The following IGF2R variants were observed in gnomAD, a reference collection of about 807,000 sequenced individuals.
IGF2R encodes cation-independent mannose-6-phosphate receptor.
Under a neutral mutation model 270.6 loss-of-function variants are expected in IGF2R, and 91 were observed. The ratio of observed to expected loss-of-function variants is 0.34; its 90% CI spans 0.28 to 0.40. The LOEUF (loss-of-function observed/expected upper bound fraction) is 0.40. Ranked by LOEUF, IGF2R falls within the 10% of genes least tolerant of loss-of-function variation. IGF2R has a pLI of 1.00. For synonymous variants in IGF2R, 1,316 were observed against 1,258.9 expected (o/e 1.05, Z -0.96); for missense variants, 2,805 against 3,188.3 (o/e 0.88, Z 2.90).
chr6:160,004,305 C>T lies in IGF2R; in HGVS notation c.290-4705C>T, dbSNP rs1784177963. ...GGGCTGCCTGTGAAGTCAGGATCACCAGGCTTTGTGGCTTCAAGGAGGCCA... is the reference window on the plus strand; with the variant it reads ...GGGCTGCCTGTGAAGTCAGGATCACTAGGCTTTGTGGCTTCAAGGAGGCCA... On this transcript the variant is annotated intron_variant, in intron 2 of 47. Coordinates refer to ENST00000356956, the MANE Select transcript of IGF2R (RefSeq NM_000876.4). The surrounding 1 kb of genome is among the most constrained non-coding windows in gnomAD (Gnocchi z 5.2). 6.6e-6 allele frequency: 1 copy of T among 152,216 alleles called. No individual in the cohort carries two copies. Among genetic ancestry groups the T allele is most frequent in the South Asian group, 2.1e-4 (1 of 4,836 alleles). 9.4% of individuals were successfully genotyped at this position (152,216 alleles called of 1,614,324 possible).
At position 160,065,501 on chromosome 6, in the gene IGF2R, C is replaced by T. The variant is rs140420964; in HGVS notation, c.4115+600C>T. 3.9e-3 allele frequency among the ~76,000 whole-genome samples: 593 copies of T among 152,142 alleles called. 2 individuals carry two copies. The highest frequency in any genetic ancestry group is 6.0e-3 in the Admixed American group (91 of 15,278). On this transcript the variant is annotated intron_variant, in intron 29 of 47. Coordinates refer to ENST00000356956, the MANE Select transcript of IGF2R (RefSeq NM_000876.4). ...GAAATCATCATTTAAGTTTTAGGAA[C>T]GTATGTAAATGCAAGCATTTAGTAA...
rs568641439 is a variant in IGF2R at position 160,088,665 on chromosome 6, G to T, written c.6321-442G>T. On this transcript the variant is annotated intron_variant, in intron 42 of 47. Coordinates refer to ENST00000356956, the MANE Select transcript of IGF2R (RefSeq NM_000876.4). Reference sequence around the variant, plus strand: ...TCCAGACGCTGAGTTTGGAAAAGGGGTGACTCAGAAATTGCCAAAGGATTT... The same window carrying T: ...TCCAGACGCTGAGTTTGGAAAAGGGTTGACTCAGAAATTGCCAAAGGATTT... Among the ~76,000 whole-genome samples the T allele has an allele frequency of 1.5e-4, 23 of 152,314 alleles. No homozygotes were observed. The South Asian group carries it at 3.9e-3, about 26-fold the overall frequency.
At chr6:160,018,468 T>G (rs1039962385) in intron 4 of IGF2R, among the ~76,000 whole-genome samples, 1 of 152,122 alleles carries the variant, frequency 6.6e-6, no homozygotes, top group African/African-American at 2.4e-5. Flanking sequence ...CAGGACCACG[T>G]AGACCTAACA....
At position 160,044,676 on chromosome 6, in the gene IGF2R, A is replaced by G. The variant is rs748402827; in HGVS notation, c.1765+19A>G. 3.8e-6 allele frequency: 6 copies of G among 1,591,596 alleles called. No individual in the cohort carries two copies. Among genetic ancestry groups the G allele is most frequent in the Admixed American group, 1.8e-5 (1 of 54,820 alleles). ...AAGCCAGGTAAAAATTTTAAAAAAGATGAAATCTTTTCTGGCTTCTGCCAG... is the reference window on the plus strand; with the variant it reads ...AAGCCAGGTAAAAATTTTAAAAAAGGTGAAATCTTTTCTGGCTTCTGCCAG... On this transcript the variant is annotated intron_variant, in intron 13 of 47. Coordinates refer to ENST00000356956, the MANE Select transcript of IGF2R (RefSeq NM_000876.4).
chr6:160,028,559 C>A (rs151127459), intron 6 of IGF2R, among the ~76,000 whole-genome samples: 2 of 152,320 alleles, frequency 1.3e-5, no homozygotes, highest in East Asian at 3.9e-4. Context: ...AAAGGCAGGT[C>A]ATCTGTGATC....
chr6:160,027,402 C>A (rs2115226974), intron 6 of IGF2R, 88 bp downstream of exon 6: 1 of 1,434,440 alleles, frequency 7.0e-7, no homozygotes. Context: ...CCTTTTTCAG[C>A]AAGGCTTGGG....
chr6:160,039,542 T>A (rs1052274463), intron 10 of IGF2R, among the ~76,000 whole-genome samples: 1 of 152,206 alleles, frequency 6.6e-6, no homozygotes, highest in Non-Finnish European at 1.5e-5. Context: ...ATTATAGTGA[T>A]GATAATATTA....
chr6:159,989,270 T>TC (rs947720380), intron 1 of IGF2R, among the ~76,000 whole-genome samples: 35 of 152,228 alleles, frequency 2.3e-4, no homozygotes, highest in Middle Eastern at 6.8e-3. Context: ...GGCTGCTCTT[T>TC]CTCCTCCATT....
In IGF2R at chr6:160,032,697, A is replaced by C; in HGVS notation, c.1029A>C (p.Pro343=). ...AGGATGTCTCCATAGACCTCACACC[A>C]CTTGCCCAGAGCGGAGGTAAGCAGG... ...EQQDVSIDLT[P]LAQSGGSSYI... Residue 343 remains proline (P), a synonymous_variant, in exon 8 of 48, where the codon CCA becomes CCC. Transcript: ENST00000356956. The C allele has an allele frequency of 6.2e-7, 1 of 1,613,826 alleles. No individual in the cohort carries two copies. Among genetic ancestry groups the C allele is most frequent in the Non-Finnish European group, 8.5e-7 (1 of 1,179,938 alleles).
chr6:160,009,060 A>G lies in IGF2R; in HGVS notation c.340A>G (p.Thr114Ala), dbSNP rs772046456. 6 of 1,613,814 alleles carry G rather than the reference A, an allele frequency of 3.7e-6. No homozygotes were observed. Among genetic ancestry groups the G allele is most frequent in the African/African-American group, 2.7e-5 (2 of 74,920 alleles). The change falls in exon 3 of 48, where the codon ACA becomes GCA. Residue 114 changes from threonine to alanine, a missense_variant. Transcript: ENST00000356956. ...ATRSLLEFNT[T>A]VSCDQQGTNH... ...CAGATCTCTCCTGGAATTCAACACAACAGTGAGCTGTGACCAGCAAGGCAC... is the reference window on the plus strand; with the variant it reads ...CAGATCTCTCCTGGAATTCAACACAGCAGTGAGCTGTGACCAGCAAGGCAC...
rs372803317 is a variant in IGF2R at position 159,975,684 on chromosome 6, T to TTTTA, written c.149+6290_149+6291insTTAT. ...AAACCCATACATGTATTATATATAT[T>TTTTA]TATATATATATATATATAAAGTATA... On this transcript the variant is annotated intron_variant, in intron 1 of 47. Transcript: ENST00000356956. Among the ~76,000 whole-genome samples, 102 of 141,728 alleles carry TTTTA rather than the reference T, an allele frequency of 7.2e-4. 1 individual carries two copies. Among genetic ancestry groups the TTTTA allele is most frequent in the African/African-American group, 2.5e-3 (95 of 38,000 alleles). 93.0% of individuals were successfully genotyped at this position (141,728 alleles called of 152,430 possible). A position where few individuals can be genotyped will look rare whatever the true frequency, so the allele number is the denominator to read the frequency against.
At chr6:160,081,926 C>T (rs949356550) in intron 39 of IGF2R, among the ~76,000 whole-genome samples, 5 of 152,124 alleles carry the variant, frequency 3.3e-5, no homozygotes, top group African/African-American at 9.7e-5. Flanking sequence ...ACATGCTTTA[C>T]GAACAATTTG....
In IGF2R at chr6:159,969,407, G is replaced by A; in HGVS notation, c.149+12G>A. ...CCCGAGCTGTGCAGGTGGGTGGCCC[G>A]CCCGGACGCAGGCTCCGCTCGCGGT... On this transcript the variant is annotated intron_variant, in intron 1 of 47. Transcript: ENST00000356956. The A allele has an allele frequency of 2.5e-6, 3 of 1,216,554 alleles. No homozygotes were observed. Among genetic ancestry groups the A allele is most frequent in the South Asian group, 3.7e-5 (1 of 27,238 alleles). The allele number at this position is 1,216,554 out of a possible 1,614,324, so 75.4% of individuals were successfully genotyped here. A position where few individuals can be genotyped will look rare whatever the true frequency, so the allele number is the denominator to read the frequency against.
At chr6:160,007,781 C>T (rs1784266915) in intron 2 of IGF2R, 1 of 152,146 alleles carries the variant, frequency 6.6e-6, no homozygotes. Context: ...TTTGCCAGTT[C>T]TGTGTTTTTC....
chr6:160,071,932 G>A lies in IGF2R; in HGVS notation c.4466G>A (p.Ser1489Asn). The A allele has an allele frequency of 6.2e-7, 1 of 1,614,156 alleles. No homozygotes were observed. Among genetic ancestry groups the A allele is most frequent in the Non-Finnish European group, 8.5e-7 (1 of 1,180,014 alleles). Residue 1489 changes from serine to asparagine, a missense_variant, in exon 32 of 48, where the codon AGC becomes AAC. Physicochemically the swap from Ser to Asn is conservative, Grantham distance 46 (BLOSUM62 1). This residue lies in a region of IGF2R where 1,851 missense variants were observed against 2,207.2 expected (regional missense o/e 0.84). Coordinates refer to ENST00000356956, the MANE Select transcript of IGF2R (RefSeq NM_000876.4). The part of the protein sequence containing the change: ...SQVNSRPMFI[S>N]AVEDCEYTFA... ...TAGAACTCCAGGCCCATGTTCATCA[G>A]CGCCGTGGAGGACTGTGAGTACACC...
chr6:160,038,578 A>G (rs1311423234), intron 10 of IGF2R, among the ~76,000 whole-genome samples: 1 of 152,200 alleles, frequency 6.6e-6, no homozygotes, highest in Non-Finnish European at 1.5e-5. Context: ...AATCTTTGTC[A>G]GTAGTGAAAT....
chr6:160,079,569 T>G lies in IGF2R; in HGVS notation c.5479-11T>G. The G allele has an allele frequency of 7.1e-7, 1 of 1,416,164 alleles. No individual in the cohort carries two copies. Among genetic ancestry groups the G allele is most frequent in the Non-Finnish European group, 9.3e-7 (1 of 1,078,252 alleles). 87.7% of individuals were successfully genotyped at this position (1,416,164 alleles called of 1,614,324 possible). On this transcript the variant is annotated splice_polypyrimidine_tract_variant and intron_variant, in intron 37 of 47. Coordinates refer to ENST00000356956, the MANE Select transcript of IGF2R (RefSeq NM_000876.4). Reference sequence around the variant, plus strand: ...CCACTCTGCTGACGGCCACGCATGGTTTTTGTCCAGGTGACTCGCGACTCG... The same window carrying G: ...CCACTCTGCTGACGGCCACGCATGGGTTTTGTCCAGGTGACTCGCGACTCG...
chr6:160,058,030 C>G lies in IGF2R; in HGVS notation c.2804C>G (p.Ser935Cys). 1 of 1,611,344 alleles carries G rather than the reference C, an allele frequency of 6.2e-7. No homozygotes were observed. The highest frequency in any genetic ancestry group is 1.3e-5 in the African/African-American group (1 of 74,996). The change falls in exon 21 of 48, where the codon TCT becomes TGT. Residue 935 changes from serine to cysteine, a missense_variant. Coordinates refer to ENST00000356956, the MANE Select transcript of IGF2R (RefSeq NM_000876.4). ...QTTTDTDQAC[S>C]IRDPNSGFVF... is the part of the protein sequence containing the mutation. ...CCATTTTGTTTCCTGTAGGCTTGCT[C>G]TATAAGGGATCCCAACAGTGGATTT...
chr6:160,082,818 G>A lies in IGF2R; in HGVS notation c.5834-1132G>A, dbSNP rs189317144. On this transcript the variant is annotated intron_variant, in intron 39 of 47. Coordinates refer to ENST00000356956, the MANE Select transcript of IGF2R (RefSeq NM_000876.4). ...GGTGTGTTGCCAGATGGCGGATGGAGTCTGCAGGTGCTCCTGAGGCAGCAT... is the reference window on the plus strand; with the variant it reads ...GGTGTGTTGCCAGATGGCGGATGGAATCTGCAGGTGCTCCTGAGGCAGCAT... Among the ~76,000 whole-genome samples, 37 of 152,364 alleles carry A rather than the reference G, an allele frequency of 2.4e-4. No individual in the cohort carries two copies. The South Asian group carries it at 6.4e-3, about 26-fold the overall frequency.
Sources: allele counts gnomAD v4.1 joint callset (sites outside exome capture counted in the v4.1 genomes callset), GRCh38; gene constraint gnomAD v4.1.1; regional missense constraint gnomAD v4.1.1; non-coding constraint Gnocchi (gnomAD v3.1); transcripts MANE v1.5; gene names NCBI Gene and HGNC (gene_info 2026-07-23, HGNC 2026-07-21).